Variants in PCDHGB2 observed in about 807,000 individuals in gnomAD.
PCDHGB2 encodes the protein protocadherin gamma subfamily B, 2.
In PCDHGB2, 55 loss-of-function variants were observed where a neutral mutation model predicts 59.3. The observed-to-expected ratio is 0.93, with a 90% CI of 0.75 to 1.16. PCDHGB2 has a LOEUF of 1.16. Ranked by LOEUF, PCDHGB2 falls within the 50% of genes most tolerant of loss-of-function variation. The pLI is 0.00. For missense variants in PCDHGB2, 1,228 were observed against 1,198.5 expected (o/e 1.02, Z -0.36); for synonymous variants, 516 against 512.0 (o/e 1.01, Z -0.11).
At chr5:141,498,429 G>T (rs1595525351) in intron 2 of PCDHGB2, among the ~76,000 whole-genome samples, 1 of 152,290 alleles carries the variant, frequency 6.6e-6, no homozygotes, top group East Asian at 1.9e-4. Flanking sequence ...GGAGTGAGGG[G>T]ATGAAGAGGA....
At chr5:141,369,990 A>G (rs773924073) in intron 1 of PCDHGB2, among the ~76,000 whole-genome samples, 2 of 152,236 alleles carry the variant, frequency 1.3e-5, no homozygotes, top group Non-Finnish European at 2.9e-5. Context: ...TTGGATGGAT[A>G]AAGCTCAAAT....
chr5:141,414,173 C>A, intron 1 of PCDHGB2: 1 of 1,606,526 alleles, frequency 6.2e-7, no homozygotes. Context: ...GCATATCTTG[C>A]AACTGCAAAA....
chr5:141,414,334 A>G, intron 1 of PCDHGB2: 6 of 1,613,782 alleles, frequency 3.7e-6, no homozygotes, highest in Non-Finnish European at 5.1e-6. Flanking sequence ...TGGACAGGTA[A>G]CCTGTTCCAT....
intron 2 of PCDHGB2, among the ~76,000 whole-genome samples, chr5:141,500,587 C>T (rs1418158417): frequency 6.6e-5 from 10 of 152,170 alleles, no homozygotes; most frequent in South Asian, 2.1e-4. Flanking sequence ...ACACTTTATT[C>T]ACATATTAAG....
intron 1 of PCDHGB2, among the ~76,000 whole-genome samples, chr5:141,406,791 C>T (rs893207613): frequency 2.0e-5 from 3 of 152,182 alleles, no homozygotes; most frequent in Non-Finnish European, 4.4e-5. Context: ...TATATTATTT[C>T]TGGCTCAATT....
At chr5:141,409,680 C>G (rs756713114) in intron 1 of PCDHGB2, 1 of 1,613,360 alleles carries the variant, frequency 6.2e-7, no homozygotes, top group Non-Finnish European at 8.5e-7. Context: ...TCTATAGTGG[C>G]GAGTGACCTA....
intron 1 of PCDHGB2, among the ~76,000 whole-genome samples, chr5:141,466,180 AT>A (rs922532578): frequency 6.6e-6 from 1 of 151,138 alleles, no homozygotes; most frequent in Admixed American, 6.6e-5. Context: ...TTTTATTTTT[AT>A]TTTTTTTCAG....
intron 1 of PCDHGB2, among the ~76,000 whole-genome samples, chr5:141,446,065 G>T (rs1285093512): frequency 2.0e-5 from 3 of 152,306 alleles, no homozygotes; most frequent in African/African-American, 7.2e-5. Flanking sequence ...GATTAAAGGG[G>T]AGGCAGTGGA....
chr5:141,437,715 C>T (rs2097903335), intron 1 of PCDHGB2, among the ~76,000 whole-genome samples: 1 of 151,772 alleles, frequency 6.6e-6, no homozygotes, highest in Non-Finnish European at 1.5e-5. Context: ...ACACAGTTAC[C>T]CTCTAATGTT....
At chr5:141,405,420 T>A in intron 1 of PCDHGB2, 1 of 1,509,592 alleles carries the variant, frequency 6.6e-7, no homozygotes, top group Non-Finnish European at 9.0e-7. Flanking sequence ...TTTTTGTTTT[T>A]TGTTTTGTTT....
Position 141,476,889 on chromosome 5 carries a change from C to T in PCDHGB2, c.2422-17918C>T. ...CGGGCGCGCGTCCTGGAGGATGCAC[C>T]CTCCGGCACGCGCGTGGTACAAGTC... is the stretch of plus-strand genomic sequence containing the variant. On this transcript the variant is annotated intron_variant, in intron 1 of 3. Transcript: ENST00000522605. This position sits in a 1 kb window ranked among gnomAD's most constrained non-coding sequence, Gnocchi z 7.6. 6.2e-7 allele frequency: 1 copy of T among 1,613,960 alleles called. No individual in the cohort carries two copies. The highest frequency in any genetic ancestry group is 8.5e-7 in the Non-Finnish European group (1 of 1,180,034).
chr5:141,450,253 A>G (rs1025385837), intron 1 of PCDHGB2, among the ~76,000 whole-genome samples: 1 of 152,020 alleles, frequency 6.6e-6, no homozygotes, highest in African/African-American at 2.4e-5. Flanking sequence ...CCTGACCTCA[A>G]GTGATCTGCC....
chr5:141,491,869 G>C lies in PCDHGB2; in HGVS notation c.2422-2938G>C. On this transcript the variant is annotated intron_variant, in intron 1 of 3. Transcript: ENST00000522605. This position sits in a 1 kb window ranked among gnomAD's most constrained non-coding sequence, Gnocchi z 6.9. ...GGACCGTTTGCGCGAAACCAGAGTG[G>C]CCGATTAAGGGATGGGGCTCCGAGC... The C allele has an allele frequency of 6.9e-7, 1 of 1,453,094 alleles. No homozygotes were observed. Among genetic ancestry groups the C allele is most frequent in the South Asian group, 1.5e-5 (1 of 68,080 alleles). 90.0% of individuals were successfully genotyped at this position (1,453,094 alleles called of 1,614,324 possible).
intron 2 of PCDHGB2, among the ~76,000 whole-genome samples, chr5:141,503,072 C>T (rs2099817948): frequency 6.6e-6 from 1 of 151,728 alleles, no homozygotes; most frequent in Non-Finnish European, 1.5e-5. Flanking sequence ...TCAGAATGGT[C>T]TCGATCTCCT....
intron 2 of PCDHGB2, among the ~76,000 whole-genome samples, chr5:141,498,882 G>A (rs1287566657): frequency 6.8e-6 from 1 of 147,420 alleles, no homozygotes; most frequent in African/African-American, 2.5e-5. Context: ...GCAGTGAGCT[G>A]AGATCACACC....
chr5:141,383,202 G>A, intron 1 of PCDHGB2: 1 of 1,614,060 alleles, frequency 6.2e-7, no homozygotes. Flanking sequence ...AGAGTGCGCG[G>A]TGTCTGGTAA....
At chr5:141,418,572 A>AC (rs752316020) in intron 1 of PCDHGB2, 2 of 1,613,794 alleles carry the variant, frequency 1.2e-6, no homozygotes, top group African/African-American at 1.3e-5. Context: ...GCCAATGACA[A>AC]CCCCCCAGTG....
At chr5:141,497,468 G>A (rs912445126) in intron 2 of PCDHGB2, among the ~76,000 whole-genome samples, 10 of 151,996 alleles carry the variant, frequency 6.6e-5, no homozygotes, top group African/African-American at 2.4e-4. Flanking sequence ...GAGATATGGA[G>A]GAGAAGGTGC....
intron 1 of PCDHGB2, chr5:141,393,540 C>G (rs760241344): frequency 6.2e-7 from 1 of 1,613,996 alleles, no homozygotes; most frequent in Admixed American, 1.7e-5. Context: ...CCCGGTTTTT[C>G]CTCACCCGAT....
Sources: gnomAD v4.1 joint callset for allele counts (sites outside exome capture counted in the v4.1 genomes callset) on GRCh38, gnomAD v4.1.1 for gene constraint, Gnocchi (gnomAD v3.1) non-coding constraint, MANE v1.5 for transcripts, NCBI Gene and HGNC (gene_info 2026-07-23, HGNC 2026-07-21) for gene names.